TBC1D22A: variants seen among roughly 807,000 people sequenced by gnomAD.
TBC1D22A encodes the protein putative GTPase activator.
In TBC1D22A, 38 loss-of-function variants were observed where a neutral mutation model predicts 60.2. That is an observed-to-expected ratio of 0.63 (90% CI 0.49 to 0.83). The LOEUF (loss-of-function observed/expected upper bound fraction) is 0.83. Ranked by LOEUF, TBC1D22A falls within the 40% of genes least tolerant of loss-of-function variation. The pLI, the probability that TBC1D22A is intolerant of heterozygous loss-of-function variation, is 0.00. For synonymous variants in TBC1D22A, 302 were observed against 281.7 expected (o/e 1.07, Z -0.72); for missense variants, 628 against 701.0 (o/e 0.90, Z 1.18).
At chr22:46,887,571 G>A (rs1200911874) in intron 5 of TBC1D22A, among the ~76,000 whole-genome samples, 2 of 152,202 alleles carry the variant, frequency 1.3e-5, no homozygotes, top group African/African-American at 2.4e-5. Context: ...AGTGTTATGC[G>A]ACAGTGGAGG....
At chr22:46,805,570 C>T (rs1028710626) in intron 4 of TBC1D22A, among the ~76,000 whole-genome samples, 1 of 152,092 alleles carries the variant, frequency 6.6e-6, no homozygotes. Context: ...CCAGGGCAGG[C>T]GTCTTCTTAC....
intron 8 of TBC1D22A, among the ~76,000 whole-genome samples, chr22:46,921,073 T>C (rs766779243): frequency 4.0e-4 from 61 of 152,192 alleles, no homozygotes; most frequent in Non-Finnish European, 7.6e-4. Flanking sequence ...GCCCGGCTAC[T>C]ATGTTGTTAT....
chr22:47,061,877 C>G (rs1196240053), intron 11 of TBC1D22A, among the ~76,000 whole-genome samples: 2 of 152,034 alleles, frequency 1.3e-5, no homozygotes, highest in East Asian at 1.9e-4. Flanking sequence ...CACTTGAGGT[C>G]CAGAGTTCGA....
At chr22:47,159,173 C>G (rs1000321773) in intron 12 of TBC1D22A, among the ~76,000 whole-genome samples, 4 of 150,946 alleles carry the variant, frequency 2.6e-5, no homozygotes, top group African/African-American at 9.8e-5. Flanking sequence ...TGTGCGGATA[C>G]TACACACACA....
At chr22:46,799,864 C>G (rs980197362) in intron 4 of TBC1D22A, among the ~76,000 whole-genome samples, 2 of 152,200 alleles carry the variant, frequency 1.3e-5, no homozygotes, top group Non-Finnish European at 2.9e-5. Flanking sequence ...TGGGTCCTCA[C>G]GTTGAAGATG....
rs188614437 is a variant in TBC1D22A at position 46,807,042 on chromosome 22, C to T, written c.637+9422C>T. ...TAAGAGGATTGGCAGGTTCTGTGACCGCAGATTCTTCCTGCTCAACCGCAG... is the reference window on the plus strand; with the variant it reads ...TAAGAGGATTGGCAGGTTCTGTGACTGCAGATTCTTCCTGCTCAACCGCAG... On this transcript the variant is annotated intron_variant, in intron 4 of 12. Coordinates refer to ENST00000337137, the MANE Select transcript of TBC1D22A (RefSeq NM_014346.5). Among the ~76,000 whole-genome samples, 7 of 152,314 alleles carry T rather than the reference C, an allele frequency of 4.6e-5. No individual in the cohort carries two copies. The East Asian group carries it at 7.7e-4, about 17-fold the overall frequency.
intron 8 of TBC1D22A, among the ~76,000 whole-genome samples, chr22:46,971,819 T>A (rs2074073391): frequency 6.6e-6 from 1 of 152,088 alleles, no homozygotes; most frequent in African/African-American, 2.4e-5. Context: ...TCCCTGGGAG[T>A]CCCTGTGGGG....
At chr22:46,800,326 C>T (rs1251081342) in intron 4 of TBC1D22A, among the ~76,000 whole-genome samples, 1 of 152,136 alleles carries the variant, frequency 6.6e-6, no homozygotes, top group African/African-American at 2.4e-5. Context: ...CCTAGAGCAC[C>T]AGGTGTGGAG....
At chr22:47,169,598 C>G (rs1378592509) in intron 12 of TBC1D22A, among the ~76,000 whole-genome samples, 1 of 152,186 alleles carries the variant, frequency 6.6e-6, no homozygotes, top group Non-Finnish European at 1.5e-5. Context: ...CCCTTGCAGA[C>G]ACTCGGTGTC....
At chr22:47,063,536 G>C (rs1040593985) in intron 11 of TBC1D22A, among the ~76,000 whole-genome samples, 2 of 152,164 alleles carry the variant, frequency 1.3e-5, no homozygotes, top group African/African-American at 4.8e-5. Flanking sequence ...CCTCGTGCCT[G>C]CTGGGGGTCC....
chr22:46,880,849 G>A (rs1413079613), intron 5 of TBC1D22A, among the ~76,000 whole-genome samples: 1 of 152,172 alleles, frequency 6.6e-6, no homozygotes, highest in Non-Finnish European at 1.5e-5. Context: ...GGCCCTCTCA[G>A]GGCTTGGATT....
intron 9 of TBC1D22A, among the ~76,000 whole-genome samples, chr22:46,996,005 C>G (rs1162797655): frequency 6.6e-6 from 1 of 152,232 alleles, no homozygotes; most frequent in African/African-American, 2.4e-5. Flanking sequence ...TGGACAGCTG[C>G]CCGTGTAGAC....
chr22:46,852,637 C>T (rs537912957), intron 4 of TBC1D22A, among the ~76,000 whole-genome samples: 1 of 152,310 alleles, frequency 6.6e-6, no homozygotes, highest in East Asian at 1.9e-4. Flanking sequence ...CTTCACTCAC[C>T]TGACTTCTTT....
intron 10 of TBC1D22A, among the ~76,000 whole-genome samples, chr22:47,014,776 G>A (rs1268297298): frequency 1.3e-5 from 2 of 152,178 alleles, no homozygotes; most frequent in Admixed American, 6.5e-5. Context: ...GCTCCAGCGC[G>A]GCCTGTGTGT....
chr22:46,979,193 G>A (rs75852668), intron 9 of TBC1D22A, among the ~76,000 whole-genome samples: 156 of 152,244 alleles, frequency 1.0e-3, no homozygotes, highest in African/African-American at 3.7e-3. Context: ...AAGTTTCATC[G>A]TATGATCAAA....
intron 10 of TBC1D22A, among the ~76,000 whole-genome samples, 180 bp from the exon 11 acceptor site, chr22:47,036,891 A>G (rs529353999): frequency 6.6e-6 from 1 of 152,326 alleles, no homozygotes; most frequent in Admixed American, 6.5e-5. Context: ...GTAGGAAGGG[A>G]GAGCTGTAGT....
chr22:47,135,883 A>G (rs1045841575), intron 12 of TBC1D22A, among the ~76,000 whole-genome samples: 5 of 151,876 alleles, frequency 3.3e-5, no homozygotes, highest in African/African-American at 1.2e-4. Context: ...TGCTGTGTTC[A>G]TTCGCCCAGC....
At chr22:47,171,659 C>T (rs900210235) in intron 12 of TBC1D22A, among the ~76,000 whole-genome samples, 3 of 152,188 alleles carry the variant, frequency 2.0e-5, no homozygotes, top group Admixed American at 2.0e-4. Flanking sequence ...TGTTGGGGTC[C>T]CCGGAGACCT....
intron 8 of TBC1D22A, among the ~76,000 whole-genome samples, chr22:46,918,100 A>C (rs1374202527): frequency 6.6e-6 from 1 of 152,214 alleles, no homozygotes; most frequent in Non-Finnish European, 1.5e-5. Flanking sequence ...GTGAACACTG[A>C]GCGAGGCAAA....
Sources: gnomAD v4.1 joint callset for allele counts (sites outside exome capture counted in the v4.1 genomes callset) on GRCh38, gnomAD v4.1.1 for gene constraint, MANE v1.5 for transcripts, NCBI Gene and HGNC (gene_info 2026-07-23, HGNC 2026-07-21) for gene names.